The following TMEM167A variants were observed in gnomAD, a reference collection of about 807,000 sequenced individuals.
The protein encoded by TMEM167A is protein kish-A.
Under a neutral mutation model 11.6 loss-of-function variants are expected in TMEM167A, and 8 were observed. The ratio of observed to expected loss-of-function variants is 0.69; its 90% CI spans 0.40 to 1.24. The LOEUF (loss-of-function observed/expected upper bound fraction) is 1.24. TMEM167A is among the 50% of genes most tolerant of loss of function. The pLI, the probability that TMEM167A is intolerant of heterozygous loss-of-function variation, is 0.01. For missense variants in TMEM167A, 62 were observed against 87.0 expected (o/e 0.71, Z 1.14); for synonymous variants, 22 against 28.0 (o/e 0.79, Z 0.67).
At chr5:83,063,546 G>A (rs900898977) in intron 2 of TMEM167A, among the ~76,000 whole-genome samples, 3 of 152,030 alleles carry the variant, frequency 2.0e-5, no homozygotes, top group Non-Finnish European at 4.4e-5. Context: ...ATATCATTAA[G>A]AAACTGGTAC....
intron 1 of TMEM167A, among the ~76,000 whole-genome samples, chr5:83,072,082 C>T (rs1186553874): frequency 6.6e-6 from 1 of 152,188 alleles, no homozygotes; most frequent in Non-Finnish European, 1.5e-5. Context: ...AGCGCTTGAA[C>T]TCTGTTTTCC....
rs1363691186 is a variant in TMEM167A, at chr5:83,077,190, G to A, written c.3+131C>T. 16 of 1,331,134 alleles carry A rather than the reference G, an allele frequency of 1.2e-5. No individual in the cohort carries two copies. The East Asian group carries it at 2.1e-4, about 17-fold the overall frequency. The allele number at this position is 1,331,134 out of a possible 1,614,324, so 82.5% of individuals were successfully genotyped here. On this transcript the variant is annotated intron_variant, in intron 1 of 3. Coordinates refer to ENST00000502346, the MANE Select transcript of TMEM167A (RefSeq NM_174909.5). ...TGATTCTCTCTGGTTGGCCGTGGAGGGACCACATGGCTCCAAGGCCTCTCA... is the reference window on the plus strand; with the variant it reads ...TGATTCTCTCTGGTTGGCCGTGGAGAGACCACATGGCTCCAAGGCCTCTCA...
intron 3 of TMEM167A, among the ~76,000 whole-genome samples, chr5:83,060,942 C>A (rs1354889417): frequency 6.6e-6 from 1 of 151,890 alleles, no homozygotes; most frequent in African/African-American, 2.4e-5. Context: ...GTTACATATA[C>A]AGGGTGAATG....
At position 83,053,085 on chromosome 5, in the gene TMEM167A, C is replaced by T. The variant is rs1744281300; in HGVS notation, c.*3999G>A. ...CTTTTCAGAAGCTAGTAGTAACTTG[C>T]TTAGTAATAACCACAAGGTTGTACA... On this transcript the variant is annotated 3_prime_UTR_variant, in exon 4 of 4. Coordinates refer to ENST00000502346, the MANE Select transcript of TMEM167A (RefSeq NM_174909.5). 1 of 151,836 alleles carries T rather than the reference C, an allele frequency of 6.6e-6. No homozygotes were observed. The highest frequency in any genetic ancestry group is 1.5e-5 in the Non-Finnish European group (1 of 67,876). The allele number at this position is 151,836 out of a possible 1,614,324, so 9.4% of individuals were successfully genotyped here.
At chr5:83,076,721 G>C (rs1417955315) in intron 1 of TMEM167A, among the ~76,000 whole-genome samples, 2 of 152,230 alleles carry the variant, frequency 1.3e-5, no homozygotes, top group Non-Finnish European at 2.9e-5. Context: ...AGAGGAGGAA[G>C]GCCTGAGGCT....
chr5:83,074,778 T>C (rs1352491022), intron 1 of TMEM167A, among the ~76,000 whole-genome samples: 1 of 152,074 alleles, frequency 6.6e-6, no homozygotes, highest in Non-Finnish European at 1.5e-5. Flanking sequence ...CAGACTCTTT[T>C]TTTTTTTTTG....
chr5:83,073,367 T>G (rs1045480638), intron 1 of TMEM167A, among the ~76,000 whole-genome samples: 1 of 152,192 alleles, frequency 6.6e-6, no homozygotes, highest in Non-Finnish European at 1.5e-5. Flanking sequence ...AAATTTACCA[T>G]AGGCGAATTG....
At chr5:83,063,137 A>T (rs891969860) in intron 2 of TMEM167A, among the ~76,000 whole-genome samples, 5 of 152,154 alleles carry the variant, frequency 3.3e-5, no homozygotes, top group South Asian at 4.1e-4. Context: ...TTACCATAGA[A>T]ATAAAATGAC....
intron 3 of TMEM167A, among the ~76,000 whole-genome samples, chr5:83,058,634 TAG>T (rs776636163): frequency 2.6e-5 from 4 of 152,066 alleles, no homozygotes; most frequent in Non-Finnish European, 5.9e-5. Context: ...CCTCATCTCA[TAG>T]AGTCTTATTA....
intron 2 of TMEM167A, among the ~76,000 whole-genome samples, chr5:83,062,855 T>C (rs1316693036): frequency 6.6e-6 from 1 of 151,586 alleles, no homozygotes; most frequent in East Asian, 1.9e-4. Flanking sequence ...GTATACTTTT[T>C]TTTTTTTTTT....
chr5:83,071,124 C>T (rs192939031), intron 1 of TMEM167A, among the ~76,000 whole-genome samples: 1 of 152,054 alleles, frequency 6.6e-6, no homozygotes, highest in East Asian at 1.9e-4. Context: ...ACTAAATCTA[C>T]AGTACTTTTA....
chr5:83,066,086 T>C (rs1187853294), intron 1 of TMEM167A, among the ~76,000 whole-genome samples: 1 of 152,016 alleles, frequency 6.6e-6, no homozygotes, highest in Non-Finnish European at 1.5e-5. Context: ...CCAGCACCAA[T>C]CATATGCCTG....
intron 1 of TMEM167A, among the ~76,000 whole-genome samples, chr5:83,068,624 G>A (rs1369254906): frequency 1.3e-5 from 2 of 151,856 alleles, no homozygotes; most frequent in African/African-American, 4.8e-5. Flanking sequence ...TGGGCAAATA[G>A]CAAGCTCCAG....
intron 1 of TMEM167A, among the ~76,000 whole-genome samples, chr5:83,075,330 G>A (rs570541601): frequency 6.6e-6 from 1 of 152,140 alleles, no homozygotes. Context: ...GTTAGGTGTT[G>A]GGGGGAACAA....
chr5:83,074,277 T>C lies in TMEM167A; in HGVS notation c.3+3044A>G, dbSNP rs1396984364. ...ACTGCCATTTCCTTTATCTACGGGA[T>C]AGAGATTGCTGTCCCACCTCTAGCT... On this transcript the variant is annotated intron_variant, in intron 1 of 3. Coordinates refer to ENST00000502346, the MANE Select transcript of TMEM167A (RefSeq NM_174909.5). Among the ~76,000 whole-genome samples the C allele has an allele frequency of 2.0e-5, 3 of 152,314 alleles. No homozygotes were observed. In the East Asian group the frequency reaches 5.8e-4, roughly 29 times the overall value.
chr5:83,071,682 G>A (rs112821626), intron 1 of TMEM167A, among the ~76,000 whole-genome samples: 2,538 of 152,212 alleles, frequency 0.017, 24 homozygotes, highest in Non-Finnish European at 0.023. Context: ...CATTATTAGC[G>A]TATAAATTTA....
Position 83,077,391 on chromosome 5 carries a change from G to C in TMEM167A, c.-68C>G. Reference sequence around the variant, plus strand: ...TCAGGCGGAAGAGGCTGCATGTCCCGTCTGCCCTTCTCGCCCTCTCCAGCC... The same window carrying C: ...TCAGGCGGAAGAGGCTGCATGTCCCCTCTGCCCTTCTCGCCCTCTCCAGCC... On this transcript the variant is annotated 5_prime_UTR_variant, in exon 1 of 4. Coordinates refer to ENST00000502346, the MANE Select transcript of TMEM167A (RefSeq NM_174909.5). The C allele has an allele frequency of 1.2e-6, 2 of 1,612,350 alleles. No individual in the cohort carries two copies. Among genetic ancestry groups the C allele is most frequent in the South Asian group, 1.1e-5 (1 of 91,046 alleles).
At chr5:83,073,444 C>G (rs779213740) in intron 1 of TMEM167A, among the ~76,000 whole-genome samples, 11 of 152,194 alleles carry the variant, frequency 7.2e-5, no homozygotes, top group Non-Finnish European at 5.9e-5. Flanking sequence ...ACTTCCAAAT[C>G]AATATCAAAA....
chr5:83,060,487 T>A lies in TMEM167A; in HGVS notation c.148+1390A>T, dbSNP rs568358921. 8.9e-4 allele frequency among the ~76,000 whole-genome samples: 136 copies of A among 152,090 alleles called. No individual in the cohort carries two copies. In the Middle Eastern group the frequency reaches 0.014, roughly 15 times the overall value. On this transcript the variant is annotated intron_variant, in intron 3 of 3. Transcript: ENST00000502346. ...ATATGTACAAATGTCTGGAGTCTTT[T>A]TTTTTTTTTAATTAAAAAGGTTAAA...
Sources: allele counts gnomAD v4.1 joint callset (sites outside exome capture counted in the v4.1 genomes callset), GRCh38; gene constraint gnomAD v4.1.1; transcripts MANE v1.5; gene names NCBI Gene and HGNC (gene_info 2026-07-23, HGNC 2026-07-21).